The following MACROD2 variants were observed in gnomAD, a reference collection of about 807,000 sequenced individuals.
MACROD2 encodes the protein mono-ADP ribosylhydrolase 2, also known as ADP-ribose glycohydrolase MACROD2.
A neutral mutation model predicts 70.4 loss-of-function variants in MACROD2; 36 were observed. The ratio of observed to expected loss-of-function variants is 0.51; its 90% confidence interval spans 0.39 to 0.68. The LOEUF is 0.68. Ranked by LOEUF, MACROD2 falls within the 30% of genes least tolerant of loss-of-function variation. MACROD2 has a pLI of 0.00. For synonymous variants in MACROD2, 172 were observed against 178.8 expected, an observed-to-expected ratio of 0.96 and a Z score of 0.30; for missense variants, 496 against 538.4, an observed-to-expected ratio of 0.92 and a Z score of 0.78.
intron 8 of MACROD2, among the ~76,000 whole-genome samples, chr20:15,612,834 A>G (rs533077546): frequency 7.9e-5 from 12 of 152,328 alleles, no homozygotes; most frequent in African/African-American, 2.9e-4. Context: ...AGAAAATAGG[A>G]CAGCTTCTTT....
At chr20:14,695,253 T>C (rs577536755) in intron 5 of MACROD2, among the ~76,000 whole-genome samples, 18 of 152,272 alleles carry the variant, frequency 1.2e-4, no homozygotes, top group African/African-American at 4.3e-4. Context: ...TCCATTGGCC[T>C]CAGGTGTTTC....
At chr20:14,603,138 C>A (rs1283019697) in intron 4 of MACROD2, among the ~76,000 whole-genome samples, 1 of 152,072 alleles carries the variant, frequency 6.6e-6, no homozygotes, top group Non-Finnish European at 1.5e-5. Flanking sequence ...TAAAGTGTTA[C>A]TTTGTTTTTC....
rs145232622 is a variant in MACROD2 at position 14,370,325 on chromosome 20, G to T, written c.272-123154G>T. On this transcript the variant is annotated intron_variant, in intron 3 of 17. Transcript: ENST00000684519. ...AAAAAAGCATTTAAGTTAAATAAAA[G>T]AAAAAGGTAGCTTTTGAGGAAACTT... 2.0e-3 allele frequency among the ~76,000 whole-genome samples: 298 copies of T among 152,204 alleles called. 2 individuals carry two copies. Among genetic ancestry groups the T allele is most frequent in the South Asian group, 8.5e-3 (41 of 4,826 alleles).
intron 5 of MACROD2, among the ~76,000 whole-genome samples, chr20:14,715,336 A>G (rs577643543): frequency 2.2e-4 from 33 of 152,334 alleles, no homozygotes; most frequent in African/African-American, 7.5e-4. Flanking sequence ...ACAGTTCAAG[A>G]TGAGATTTGG....
At chr20:15,276,326 G>A (rs988288563) in intron 6 of MACROD2, among the ~76,000 whole-genome samples, 2 of 151,426 alleles carry the variant, frequency 1.3e-5, no homozygotes, top group Admixed American at 6.6e-5. Context: ...CGTGAACCCG[G>A]GAGGCGGAGC....
chr20:15,777,082 A>G (rs2051733693), intron 8 of MACROD2, among the ~76,000 whole-genome samples: 1 of 152,192 alleles, frequency 6.6e-6, no homozygotes, highest in South Asian at 2.1e-4. Context: ...GTGCTTGTTT[A>G]AGGAACTGCC....
chr20:15,007,157 G>A (rs1330690099), intron 5 of MACROD2, among the ~76,000 whole-genome samples: 2 of 152,058 alleles, frequency 1.3e-5, no homozygotes, highest in East Asian at 3.9e-4. Flanking sequence ...AAGGTCAGGA[G>A]ATCAAGACCA....
At chr20:15,087,696 TTGAC>T (rs1321324763) in intron 5 of MACROD2, among the ~76,000 whole-genome samples, 2 of 152,014 alleles carry the variant, frequency 1.3e-5, no homozygotes, top group African/African-American at 2.4e-5. Context: ...CGATACATAT[TTGAC>T]TGTTTAAAAA....
chr20:14,262,387 A>G (rs2082108167), intron 3 of MACROD2, among the ~76,000 whole-genome samples: 1 of 152,220 alleles, frequency 6.6e-6, no homozygotes, highest in South Asian at 2.1e-4. Context: ...TTATTCAAAA[A>G]GATAAGAAAT....
chr20:15,769,375 A>C (rs1468362035), intron 8 of MACROD2, among the ~76,000 whole-genome samples: 1 of 152,114 alleles, frequency 6.6e-6, no homozygotes, highest in Non-Finnish European at 1.5e-5. Context: ...TCGAACTCCG[A>C]ACATCAGGTG....
intron 13 of MACROD2, 51 bp downstream of exon 13, chr20:15,967,681 GAA>G (rs11467891): frequency 0.044 from 18,286 of 412,698 alleles, 20 homozygotes; most frequent in Middle Eastern, 0.065. Context: ...CTGGGAAACA[GAA>G]AAAAAAAAAA....
At chr20:15,876,121 T>TATATATATATATATAAATATATA (rs1568611993) in intron 9 of MACROD2, among the ~76,000 whole-genome samples, 4 of 25,458 alleles carry the variant, frequency 1.6e-4, no homozygotes, top group Admixed American at 4.4e-4. Flanking sequence ...ATGTGTGTAT[T>TATATATATATATATAAATATATA]TTTTTTATTA....
chr20:15,347,547 T>G (rs1024312063), intron 6 of MACROD2, among the ~76,000 whole-genome samples: 1 of 152,184 alleles, frequency 6.6e-6, no homozygotes, highest in Non-Finnish European at 1.5e-5. Flanking sequence ...TTTCCCATGG[T>G]ACACATCATC....
At chr20:15,249,715 C>G (rs927965590) in intron 6 of MACROD2, among the ~76,000 whole-genome samples, 2 of 152,188 alleles carry the variant, frequency 1.3e-5, no homozygotes, top group African/African-American at 4.8e-5. Flanking sequence ...TTTCTTGATG[C>G]TACGTTATTT....
chr20:15,240,028 G>A (rs1156674278), intron 6 of MACROD2, among the ~76,000 whole-genome samples: 1 of 152,044 alleles, frequency 6.6e-6, no homozygotes, highest in Non-Finnish European at 1.5e-5. Flanking sequence ...ACAGCAGGGG[G>A]GTTTACCTCC....
intron 3 of MACROD2, among the ~76,000 whole-genome samples, chr20:14,479,560 T>C (rs1160303601): frequency 2.0e-5 from 3 of 152,180 alleles, no homozygotes; most frequent in African/African-American, 7.2e-5. Context: ...CCTCCAGACC[T>C]GGGTTCTCTA....
intron 3 of MACROD2, among the ~76,000 whole-genome samples, chr20:14,111,385 T>G (rs2054449156): frequency 6.6e-6 from 1 of 152,010 alleles, no homozygotes; most frequent in Non-Finnish European, 1.5e-5. Flanking sequence ...GTTAAAAAGC[T>G]TCTGCACAGT....
intron 8 of MACROD2, among the ~76,000 whole-genome samples, chr20:15,570,675 C>T (rs2048365689): frequency 6.6e-6 from 1 of 152,094 alleles, no homozygotes; most frequent in Non-Finnish European, 1.5e-5. Flanking sequence ...CATGTTGGCC[C>T]TAGCTTTAGA....
chr20:15,407,104 C>T (rs572420524), intron 6 of MACROD2, among the ~76,000 whole-genome samples: 36 of 152,342 alleles, frequency 2.4e-4, no homozygotes, highest in Admixed American at 6.5e-4. Context: ...CACCTGCTAT[C>T]GGTACCTTCC....
Sources: gnomAD v4.1 joint callset for allele counts (sites outside exome capture counted in the v4.1 genomes callset) on GRCh38, gnomAD v4.1.1 for gene constraint, MANE v1.5 for transcripts, NCBI Gene and HGNC (gene_info 2026-07-23, HGNC 2026-07-21) for gene names.